TFCP2L1: variants seen among roughly 807,000 people sequenced by gnomAD.
TFCP2L1 encodes the protein transcription factor CP2 like 1, also known as transcription factor CP2-like protein 1.
Under a neutral mutation model 72.2 loss-of-function variants are expected in TFCP2L1, and 12 were observed. The observed-to-expected ratio is 0.17, with a 90% CI of 0.11 to 0.27. The LOEUF (loss-of-function observed/expected upper bound fraction) is 0.27. TFCP2L1 is among the 10% of genes least tolerant of loss of function. The pLI is 1.00. For missense variants in TFCP2L1, 488 were observed against 624.6 expected, an observed-to-expected ratio of 0.78 and a Z score of 2.33; for synonymous variants, 260 against 251.0, an observed-to-expected ratio of 1.04 and a Z score of -0.34.
chr2:121,240,331 C>T (rs1686343198), intron 7 of TFCP2L1: 3 of 985,374 alleles, frequency 3.0e-6, no homozygotes, highest in Non-Finnish European at 3.6e-6. Flanking sequence ...CAAGGGTTTA[C>T]AGGTTTTGTC....
intron 2 of TFCP2L1, among the ~76,000 whole-genome samples, chr2:121,250,380 A>G (rs1419767234): frequency 6.7e-6 from 1 of 150,116 alleles, no homozygotes; most frequent in Non-Finnish European, 1.5e-5. Context: ...ACACACATAC[A>G]TATATGTATG....
intron 1 of TFCP2L1, among the ~76,000 whole-genome samples, chr2:121,281,516 A>G (rs567205326): frequency 3.3e-5 from 5 of 152,172 alleles, no homozygotes; most frequent in African/African-American, 1.2e-4. Flanking sequence ...CAATCAGCCC[A>G]TCAAGGAGGT....
At chr2:121,245,930 C>T (rs992575466) in intron 6 of TFCP2L1, among the ~76,000 whole-genome samples, 1 of 152,226 alleles carries the variant, frequency 6.6e-6, no homozygotes, top group African/African-American at 2.4e-5. Context: ...GGGTCTCCAG[C>T]CCCAGAAGAT....
chr2:121,248,063 G>A, intron 5 of TFCP2L1, 101 bp downstream of exon 5: 1 of 888,840 alleles, frequency 1.1e-6, no homozygotes, highest in Non-Finnish European at 1.7e-6. Context: ...GGGAGCAGAA[G>A]CTCATCCAGA....
chr2:121,249,081 T>C lies in TFCP2L1; in HGVS notation c.298A>G (p.Ile100Val). The C allele has an allele frequency of 6.3e-7, 1 of 1,583,268 alleles. No homozygotes were observed. Among genetic ancestry groups the C allele is most frequent in the Non-Finnish European group, 8.6e-7 (1 of 1,164,078 alleles). Residue 100 changes from isoleucine to valine, a missense_variant, in exon 4 of 15, where the codon ATC (isoleucine) becomes GTC (valine). Coordinates refer to ENST00000263707, the MANE Select transcript of TFCP2L1 (RefSeq NM_014553.3). Reference protein sequence around the residue: ...DLNTKYVKSIIRVVFHDRRLQ... With the variant: ...DLNTKYVKSIVRVVFHDRRLQ... ...CGGCGGTCATGGAAGACCACACGGA[T>C]GATGCTCTGGGGAGGGAGGCCAGCA...
intron 11 of TFCP2L1, 29 bp downstream of exon 11, chr2:121,235,192 G>A (rs768782861): frequency 2.5e-6 from 4 of 1,612,770 alleles, no homozygotes; most frequent in Non-Finnish European, 1.7e-6. Flanking sequence ...TGAGCCTCTG[G>A]CTGGCTTCAC....
intron 1 of TFCP2L1, among the ~76,000 whole-genome samples, chr2:121,281,739 C>T (rs1019618821): frequency 6.6e-6 from 1 of 152,118 alleles, no homozygotes; most frequent in Non-Finnish European, 1.5e-5. Context: ...CAACTCTGTC[C>T]TCCAGGCTCT....
intron 14 of TFCP2L1, among the ~76,000 whole-genome samples, chr2:121,224,708 C>T (rs1024115876): frequency 2.0e-5 from 3 of 152,144 alleles, no homozygotes; most frequent in Non-Finnish European, 2.9e-5. Flanking sequence ...GGTGGCTGGG[C>T]GTGGTGGCTC....
chr2:121,250,811 T>G (rs572237474), intron 2 of TFCP2L1, among the ~76,000 whole-genome samples: 1 of 151,928 alleles, frequency 6.6e-6, no homozygotes, highest in East Asian at 2.0e-4. Flanking sequence ...TTCACCATGT[T>G]AGCCAGGCTG....
chr2:121,253,818 C>T (rs547625218), intron 2 of TFCP2L1, among the ~76,000 whole-genome samples: 26 of 152,344 alleles, frequency 1.7e-4, no homozygotes, highest in African/African-American at 6.0e-4. Context: ...CTGATCCACA[C>T]ACTTCACCAC....
intron 5 of TFCP2L1, among the ~76,000 whole-genome samples, chr2:121,247,513 G>A (rs971446886): frequency 2.7e-5 from 4 of 150,770 alleles, no homozygotes; most frequent in African/African-American, 9.8e-5. Flanking sequence ...TAATAACAAT[G>A]TAATAATTTT....
chr2:121,281,970 T>C (rs926271399), intron 1 of TFCP2L1, among the ~76,000 whole-genome samples: 2 of 151,668 alleles, frequency 1.3e-5, no homozygotes, highest in African/African-American at 2.4e-5. Context: ...TCACTCTTGT[T>C]GTCCAGGCTG....
intron 2 of TFCP2L1, 39 bp from the exon 3 acceptor site, chr2:121,249,686 A>G (rs2104705701): frequency 6.2e-7 from 1 of 1,606,710 alleles, no homozygotes; most frequent in South Asian, 1.1e-5. Flanking sequence ...ATTTCTGAGT[A>G]TTTCTAAATT....
In TFCP2L1 at chr2:121,222,310, A is replaced by G. The variant is rs1685941627; in HGVS notation, c.*2031T>C. The stretch of plus-strand genomic sequence containing the variant: ...CAATTCCACTCCTATGTATATTGCT[A>G]AAAGAAATGAAAACATATGTCCACA... On this transcript the variant is annotated 3_prime_UTR_variant, in exon 15 of 15. Transcript: ENST00000263707. 1 of 152,248 alleles carries G rather than the reference A, an allele frequency of 6.6e-6. No individual in the cohort carries two copies. The highest frequency in any genetic ancestry group is 2.4e-5 in the African/African-American group (1 of 41,458). 9.4% of individuals were successfully genotyped at this position (152,248 alleles called of 1,614,324 possible).
chr2:121,281,261 C>A lies in TFCP2L1; in HGVS notation c.73G>T (p.Ala25Ser). 1 of 1,604,320 alleles carries A rather than the reference C, an allele frequency of 6.2e-7. No individual in the cohort carries two copies. The highest frequency in any genetic ancestry group is 8.5e-7 in the Non-Finnish European group (1 of 1,175,996). ...NSGSYLRDVL[A>S]LPIFKQEEPQ... ...TCCTCCTGCTTGAAGATGGGCAGAGCGAGCACATCACTGCAACACACGGGA... is the reference window on the plus strand; with the variant it reads ...TCCTCCTGCTTGAAGATGGGCAGAGAGAGCACATCACTGCAACACACGGGA... The change falls in exon 2 of 15, where the codon GCT becomes TCT. Residue 25 changes from alanine to serine, a missense_variant. Transcript: ENST00000263707.
chr2:121,273,904 C>A (rs1309265128), intron 2 of TFCP2L1, among the ~76,000 whole-genome samples: 1 of 152,028 alleles, frequency 6.6e-6, no homozygotes, highest in Non-Finnish European at 1.5e-5. Flanking sequence ...ACCAGCCTGG[C>A]CAACATGGCT....
At chr2:121,277,806 AAGAT>A (rs902351762) in intron 2 of TFCP2L1, among the ~76,000 whole-genome samples, 1 of 152,230 alleles carries the variant, frequency 6.6e-6, no homozygotes, top group African/African-American at 2.4e-5. Context: ...TAATCACAGA[AAGAT>A]ATATATACAA....
chr2:121,238,827 G>C (rs1273213424), intron 8 of TFCP2L1, among the ~76,000 whole-genome samples: 1 of 151,920 alleles, frequency 6.6e-6, no homozygotes, highest in African/African-American at 2.4e-5. Flanking sequence ...GCTTCCCTGG[G>C]GACTCCTTGG....
intron 13 of TFCP2L1, among the ~76,000 whole-genome samples, chr2:121,227,120 C>T (rs552465177): frequency 9.1e-4 from 139 of 152,272 alleles, no homozygotes; most frequent in Admixed American, 3.1e-3. Flanking sequence ...CAGAAGAATA[C>T]ACTATGATTT....
Sources: gnomAD v4.1 joint callset for allele counts (sites outside exome capture counted in the v4.1 genomes callset) on GRCh38, gnomAD v4.1.1 for gene constraint, MANE v1.5 for transcripts, NCBI Gene and HGNC (gene_info 2026-07-23, HGNC 2026-07-21) for gene names.